Variants in RBM18 observed in about 807,000 individuals in gnomAD.
RBM18 encodes probable RNA-binding protein 18.
RBM18 carries 18 observed loss-of-function variants against 26.4 expected under a neutral mutation model. That is an observed-to-expected ratio of 0.68 (90% CI 0.47 to 1.01). RBM18 has a LOEUF of 1.01. RBM18 is among the 50% of genes least tolerant of loss of function. The probability of loss-of-function intolerance (pLI) is 0.00; values close to 1 mark genes in which losing one functional copy is unlikely to be tolerated. For synonymous variants in RBM18, 74 were observed against 81.1 expected (o/e 0.91, Z 0.47); for missense variants, 180 against 219.2 (o/e 0.82, Z 1.13).
At chr9:122,257,422 A>C (rs1411768486) in intron 2 of RBM18, among the ~76,000 whole-genome samples, 1 of 152,226 alleles carries the variant, frequency 6.6e-6, no homozygotes, top group African/African-American at 2.4e-5. Context: ...CTGGGATTAC[A>C]GGCGTTGAAC....
rs182971096 is a variant in RBM18, at chr9:122,257,393, G to A, written c.113+3987C>T. ...GATCTCCTGACCTCGTGATCCGCCC[G>A]CCTCTGCCTCCCAAAGTGCTGGGAT... On this transcript the variant is annotated intron_variant, in intron 2 of 5. Coordinates refer to ENST00000417201, the MANE Select transcript of RBM18 (RefSeq NM_033117.4). Among the ~76,000 whole-genome samples the A allele has an allele frequency of 8.7e-4, 132 of 152,238 alleles. 1 individual carries two copies. In the East Asian group the frequency reaches 0.011, roughly 13 times the overall value.
chr9:122,243,956 G>T, intron 5 of RBM18: 1 of 677,010 alleles, frequency 1.5e-6, no homozygotes, highest in Non-Finnish European at 1.8e-6. Context: ...CATGTTCATT[G>T]TAACATGAAG....
At chr9:122,251,758 G>T in intron 3 of RBM18, 89 bp downstream of exon 3, 2 of 1,207,402 alleles carry the variant, frequency 1.7e-6, no homozygotes, top group Non-Finnish European at 2.4e-6. Flanking sequence ...TGCCTACAGG[G>T]AACTGCTATT....
chr9:122,242,881 C>T (rs1338010940), intron 5 of RBM18, among the ~76,000 whole-genome samples: 2 of 151,988 alleles, frequency 1.3e-5, no homozygotes, highest in Admixed American at 6.6e-5. Context: ...GGCTGGAGTG[C>T]AGTGGTGTGA....
intron 3 of RBM18, among the ~76,000 whole-genome samples, chr9:122,247,916 C>T (rs1043541395): frequency 6.6e-6 from 1 of 151,644 alleles, no homozygotes; most frequent in South Asian, 2.1e-4. Flanking sequence ...TCCCGAATAG[C>T]TGGGACTACA....
intron 2 of RBM18, among the ~76,000 whole-genome samples, chr9:122,260,003 C>G (rs185743349): frequency 1.3e-5 from 2 of 152,074 alleles, no homozygotes; most frequent in African/African-American, 4.8e-5. Context: ...CTCCCCTTGT[C>G]TTTAACACTA....
rs771261518 is a variant in RBM18 at position 122,247,552 on chromosome 9, T to C, written c.293A>G (p.Lys98Arg). 6 of 1,614,068 alleles carry C rather than the reference T, an allele frequency of 3.7e-6. No individual in the cohort carries two copies. In the East Asian group the frequency reaches 1.3e-4, roughly 36 times the overall value. ...AGCATGTGCCCATCGCACCACCAGC[T>C]TCTTGGACAGGGCCAACTTGCCATT... ...CLNGKLALSK[K>R]LVVRWAHAQV... Residue 98 changes from lysine (K) to arginine (R), a missense_variant, in exon 4 of 6, where the codon AAG becomes AGG. Transcript: ENST00000417201.
At chr9:122,242,885 G>A (rs908393947) in intron 5 of RBM18, among the ~76,000 whole-genome samples, 6 of 152,120 alleles carry the variant, frequency 3.9e-5, no homozygotes, top group Middle Eastern at 3.4e-3. Context: ...GGAGTGCAGT[G>A]GTGTGATTTC....
intron 4 of RBM18, among the ~76,000 whole-genome samples, chr9:122,245,747 G>A (rs1023873868): frequency 4.6e-5 from 7 of 152,122 alleles, no homozygotes; most frequent in Non-Finnish European, 1.0e-4. Context: ...GGAGGCCAAG[G>A]TGGGCAGATT....
chr9:122,252,733 G>A (rs928507991), intron 2 of RBM18, among the ~76,000 whole-genome samples: 4 of 152,170 alleles, frequency 2.6e-5, no homozygotes, highest in African/African-American at 9.7e-5. Flanking sequence ...ATACTCTAGG[G>A]TACGGTCAAG....
At position 122,261,370 on chromosome 9, in the gene RBM18, T is replaced by C; in HGVS notation, c.113+10A>G. ...ATTGTAGGTAAAAAACTAAGGTAAC[T>C]TAGACTTACTCGGTAATTTTGGGGT... On this transcript the variant is annotated intron_variant, in intron 2 of 5. Coordinates refer to ENST00000417201, the MANE Select transcript of RBM18 (RefSeq NM_033117.4). The C allele has an allele frequency of 6.3e-7, 1 of 1,590,154 alleles. No individual in the cohort carries two copies. The highest frequency in any genetic ancestry group is 8.6e-7 in the Non-Finnish European group (1 of 1,158,154).
At chr9:122,244,143 A>T (rs202166886) in intron 5 of RBM18, among the ~76,000 whole-genome samples, 5 of 23,684 alleles carry the variant, frequency 2.1e-4, no homozygotes, top group South Asian at 9.7e-4. Flanking sequence ...AGCACGAAAT[A>T]AAAAAAAAAA....
At chr9:122,250,068 T>TAAAAAAAAAAAAAAAAA (rs59558933) in intron 3 of RBM18, among the ~76,000 whole-genome samples, 4 of 107,164 alleles carry the variant, frequency 3.7e-5, no homozygotes, top group Non-Finnish European at 7.2e-5. Context: ...AGACCTTATT[T>TAAAAAAAAAAAAAAAAA]AAAAAAAAAA....
At chr9:122,246,488 G>A (rs1377712901) in intron 4 of RBM18, among the ~76,000 whole-genome samples, 1 of 152,218 alleles carries the variant, frequency 6.6e-6, no homozygotes, top group East Asian at 1.9e-4. Context: ...ACGAGAAAAC[G>A]AGTTTGGTAA....
intron 4 of RBM18, among the ~76,000 whole-genome samples, chr9:122,246,467 T>C (rs1414825622): frequency 2.0e-5 from 3 of 152,248 alleles, no homozygotes; most frequent in Non-Finnish European, 4.4e-5. Flanking sequence ...GCCTTTTCAA[T>C]GAGATGCAGA....
chr9:122,244,520 T>G (rs1256274307), intron 5 of RBM18, among the ~76,000 whole-genome samples: 1 of 152,230 alleles, frequency 6.6e-6, no homozygotes, highest in Non-Finnish European at 1.5e-5. Context: ...CTTTAAATCC[T>G]GAGTGTTATT....
intron 2 of RBM18, 43 bp downstream of exon 2, chr9:122,261,337 A>T (rs1831790560): frequency 7.3e-7 from 1 of 1,363,638 alleles, no homozygotes. Flanking sequence ...ACCACAAAAC[A>T]TCCCAATATT....
At chr9:122,260,914 T>C (rs562232777) in intron 2 of RBM18, among the ~76,000 whole-genome samples, 4 of 152,222 alleles carry the variant, frequency 2.6e-5, no homozygotes, top group Non-Finnish European at 5.9e-5. Flanking sequence ...CAAAGGGACA[T>C]GATTTCTAAG....
intron 3 of RBM18, among the ~76,000 whole-genome samples, chr9:122,249,361 A>C (rs1268590890): frequency 6.6e-6 from 1 of 152,128 alleles, no homozygotes; most frequent in African/African-American, 2.4e-5. Flanking sequence ...TTGTATCCTA[A>C]CCCAGTGTTT....
Sources: allele counts gnomAD v4.1 joint callset (sites outside exome capture counted in the v4.1 genomes callset), GRCh38; gene constraint gnomAD v4.1.1; transcripts MANE v1.5; gene names NCBI Gene and HGNC (gene_info 2026-07-23, HGNC 2026-07-21).